PKHD1: variants seen among roughly 807,000 people sequenced by gnomAD.
PKHD1 encodes fibrocystin.
In PKHD1, 291 loss-of-function variants were observed where a neutral mutation model predicts 412.0. The observed-to-expected ratio is 0.71, with a 90% confidence interval of 0.64 to 0.78. The LOEUF is 0.78. Among genes scored for constraint, PKHD1 ranks in the 30% least tolerant of loss-of-function variants. The pLI is 0.00. For synonymous variants in PKHD1, 1,777 were observed against 1,821.5 expected (o/e 0.98, Z 0.62); for missense variants, 4,825 against 4,950.7 (o/e 0.97, Z 0.76).
chr6:51,721,968 T>A (rs373701168), intron 60 of PKHD1: 2 of 1,613,534 alleles, frequency 1.2e-6, no homozygotes, highest in Non-Finnish European at 1.7e-6. Flanking sequence ...AAAGTTCAGC[T>A]TCCTGCAGGC....
chr6:51,870,802 T>C (rs933295246), intron 46 of PKHD1, among the ~76,000 whole-genome samples, 163 bp from the exon 47 acceptor site: 1 of 151,368 alleles, frequency 6.6e-6, no homozygotes, highest in Non-Finnish European at 1.5e-5. Flanking sequence ...ATCCAGAATA[T>C]AGAAAGAACT....
intron 11 of PKHD1, among the ~76,000 whole-genome samples, chr6:52,068,611 C>T (rs1322100735): frequency 6.6e-6 from 1 of 152,222 alleles, no homozygotes; most frequent in African/African-American, 2.4e-5. Flanking sequence ...TAATCCATCT[C>T]ATAGTTAAGT....
intron 50 of PKHD1, 116 bp from the exon 51 acceptor site, chr6:51,836,585 A>T (rs1023692150): frequency 1.3e-6 from 1 of 753,732 alleles, no homozygotes; most frequent in Admixed American, 2.0e-5. Context: ...AATTTTCAAA[A>T]CAGAAAAATG....
At chr6:51,897,815 G>C (rs1198673222) in intron 43 of PKHD1, among the ~76,000 whole-genome samples, 2 of 145,766 alleles carry the variant, frequency 1.4e-5, no homozygotes, top group East Asian at 4.0e-4. Context: ...AAGGATGGAG[G>C]AAGATCTACC....
chr6:52,024,558 T>A lies in PKHD1; in HGVS notation c.5236+16A>T, dbSNP rs1331548725. 2 of 1,611,772 alleles carry A rather than the reference T, an allele frequency of 1.2e-6. No individual in the cohort carries two copies. The highest frequency in any genetic ancestry group is 2.2e-5 in the South Asian group (2 of 91,016). The stretch of plus-strand genomic sequence containing the variant: ...TTTACATAAAGAAAGTGTGCTGTCT[T>A]ATTTGCTTGACTTACCGAAGTTCTC... On this transcript the variant is annotated intron_variant, in intron 32 of 66. Coordinates refer to ENST00000371117, the MANE Select transcript of PKHD1 (RefSeq NM_138694.4).
chr6:52,045,219 A>C, intron 24 of PKHD1, 131 bp from the exon 25 acceptor site: 1 of 861,420 alleles, frequency 1.2e-6, no homozygotes, highest in Non-Finnish European at 1.9e-6. Flanking sequence ...GCAGAGTAAC[A>C]GAGAATTGAA....
Position 51,887,265 on chromosome 6 carries a change from T to C in PKHD1, c.6997-20A>G. On this transcript the variant is annotated intron_variant, in intron 43 of 66. Transcript: ENST00000371117. Reference sequence around the variant, plus strand: ...GTTCCCCTACAGAAATTAAGAAGAGTTAAAAAATAGTTACCCCATGTATGA... The same window carrying C: ...GTTCCCCTACAGAAATTAAGAAGAGCTAAAAAATAGTTACCCCATGTATGA... The C allele has an allele frequency of 1.3e-6, 2 of 1,489,916 alleles. No homozygotes were observed. The highest frequency in any genetic ancestry group is 1.9e-6 in the Non-Finnish European group (2 of 1,066,666). The allele number at this position is 1,489,916 out of a possible 1,614,324, so 92.3% of individuals were successfully genotyped here.
At chr6:51,925,144 G>C (rs531011411) in intron 37 of PKHD1, among the ~76,000 whole-genome samples, 1 of 152,158 alleles carries the variant, frequency 6.6e-6, no homozygotes, top group Non-Finnish European at 1.5e-5. Flanking sequence ...ACTCTATGAC[G>C]GAGCAAAGTC....
At chr6:52,006,422 G>C (rs1162303743) in intron 35 of PKHD1, among the ~76,000 whole-genome samples, 2 of 151,846 alleles carry the variant, frequency 1.3e-5, no homozygotes, top group Non-Finnish European at 2.9e-5. Flanking sequence ...TGTCACCCAG[G>C]CTGGAGCACA....
chr6:51,979,742 C>T (rs889416404), intron 35 of PKHD1, among the ~76,000 whole-genome samples: 2 of 152,218 alleles, frequency 1.3e-5, no homozygotes, highest in Non-Finnish European at 1.5e-5. Context: ...CAGCCTCATC[C>T]CTCGCTTCTC....
intron 46 of PKHD1, among the ~76,000 whole-genome samples, chr6:51,874,236 A>C (rs1173202084): frequency 6.6e-6 from 1 of 152,098 alleles, no homozygotes; most frequent in Non-Finnish European, 1.5e-5. Flanking sequence ...CATCCTACAG[A>C]TACTTCGATA....
At chr6:51,702,148 T>TTATATATTATATATATTATATGTATAA (rs1779482776) in intron 60 of PKHD1, among the ~76,000 whole-genome samples, 3 of 147,126 alleles carry the variant, frequency 2.0e-5, no homozygotes, top group East Asian at 3.9e-4. Flanking sequence ...ATACATATTA[T>TTATATATTATATATATTATATGTATAA]TATATATTAT....
rs777049155 is a variant in PKHD1, at chr6:52,055,762, G to A, written c.1694-33C>T. On this transcript the variant is annotated intron_variant, in intron 18 of 66. Transcript: ENST00000371117. Reference sequence around the variant, plus strand: ...CAGTTCAGATAAAATAGAAAGGCAGGCATAGATATTAAAAAAGACAGAGCT... The same window carrying A: ...CAGTTCAGATAAAATAGAAAGGCAGACATAGATATTAAAAAAGACAGAGCT... 6 of 1,610,354 alleles carry A rather than the reference G, an allele frequency of 3.7e-6. No homozygotes were observed. The South Asian group carries it at 4.4e-5, about 12-fold the overall frequency.
intron 60 of PKHD1, among the ~76,000 whole-genome samples, chr6:51,677,452 A>G (rs1260532669): frequency 2.6e-5 from 4 of 152,146 alleles, no homozygotes; most frequent in Non-Finnish European, 5.9e-5. Flanking sequence ...CTGTATGAGG[A>G]ATATATGCAT....
intron 39 of PKHD1, among the ~76,000 whole-genome samples, chr6:51,910,655 T>C (rs1477639285): frequency 2.6e-5 from 4 of 152,208 alleles, no homozygotes; most frequent in Non-Finnish European, 4.4e-5. Context: ...ACTGGCAGCA[T>C]GATCAAATGC....
At position 51,903,764 on chromosome 6, in the gene PKHD1, A is replaced by T. The variant is rs1161203968; in HGVS notation, c.6866-37T>A. ...ACAAATCCAGGGGATCCACAAACAT[A>T]ATTAAAATGTACTCAACTCAACACC... On this transcript the variant is annotated intron_variant, in intron 42 of 66. Transcript: ENST00000371117. The T allele has an allele frequency of 2.5e-6, 4 of 1,584,526 alleles. No individual in the cohort carries two copies. The Admixed American group carries it at 5.0e-5, about 20-fold the overall frequency.
chr6:51,997,611 G>A (rs1373670887), intron 35 of PKHD1, among the ~76,000 whole-genome samples: 2 of 152,190 alleles, frequency 1.3e-5, no homozygotes, highest in Non-Finnish European at 2.9e-5. Context: ...TAGAGACTTA[G>A]CACAGGCAGA....
At chr6:52,081,461 G>A (rs1353621781) in intron 4 of PKHD1, among the ~76,000 whole-genome samples, 1 of 152,172 alleles carries the variant, frequency 6.6e-6, no homozygotes, top group African/African-American at 2.4e-5. Flanking sequence ...TCTGTGAGGA[G>A]GAGTCTGACA....
intron 35 of PKHD1, among the ~76,000 whole-genome samples, chr6:52,003,942 C>A (rs1421863281): frequency 2.0e-5 from 3 of 152,146 alleles, no homozygotes; most frequent in Non-Finnish European, 4.4e-5. Flanking sequence ...GAATAACTGA[C>A]ATATTAACAT....
Sources: allele counts gnomAD v4.1 joint callset (sites outside exome capture counted in the v4.1 genomes callset), GRCh38; gene constraint gnomAD v4.1.1; transcripts MANE v1.5; gene names NCBI Gene and HGNC (gene_info 2026-07-23, HGNC 2026-07-21).